Variants in CDK15 observed in about 807,000 individuals in gnomAD.
The protein encoded by CDK15 is cyclin dependent kinase 15, also known as cyclin-dependent kinase 15.
In CDK15, 62 loss-of-function variants were observed where a neutral mutation model predicts 60.3. The ratio of observed to expected loss-of-function variants is 1.03; its 90% confidence interval spans 0.84 to 1.27. The LOEUF is 1.27. Ranked by LOEUF, CDK15 falls within the 50% of genes most tolerant of loss-of-function variation. The pLI is 0.00. For missense variants in CDK15, 541 were observed against 527.8 expected (o/e 1.03, Z -0.25); for synonymous variants, 194 against 195.7 (o/e 0.99, Z 0.07).
At position 201,807,512 on chromosome 2, in the gene CDK15, G is replaced by A; in HGVS notation, c.142G>A (p.Ala48Thr). Residue 48 changes from alanine (A) to threonine (T), a missense_variant, in exon 2 of 14, where the codon GCA becomes ACA. Coordinates refer to ENST00000652192, the MANE Select transcript of CDK15 (RefSeq NM_001366386.2). Reference sequence around the variant, plus strand: ...TCTCTAGCTAACAGACCTAAAAGAAGCATCATGTTCCATGACTTCATTTCA... The same window carrying A: ...TCTCTAGCTAACAGACCTAAAAGAAACATCATGTTCCATGACTTCATTTCA... ...AAFKLTDLKE[A>T]SCSMTSFHPR... 1.2e-6 allele frequency: 2 copies of A among 1,613,996 alleles called. No homozygotes were observed. Among genetic ancestry groups the A allele is most frequent in the South Asian group, 1.1e-5 (1 of 91,032 alleles).
chr2:201,835,512 G>A, intron 7 of CDK15, 131 bp from the exon 8 acceptor site: 1 of 1,030,486 alleles, frequency 9.7e-7, no homozygotes, highest in East Asian at 2.8e-5. Context: ...AGTCAAGATA[G>A]TGATTAGTTC....
chr2:201,858,759 G>C lies in CDK15; in HGVS notation c.1009+3822G>C, dbSNP rs538371991. ...CCATCTGCAGAGTACCCAGTGTCTT[G>C]CCTGCTTTCACCAAGGGAAAAAAAA... On this transcript the variant is annotated intron_variant, in intron 10 of 13. Transcript: ENST00000652192. 1.4e-3 allele frequency among the ~76,000 whole-genome samples: 219 copies of C among 152,192 alleles called. 1 individual carries two copies. Among genetic ancestry groups the C allele is most frequent in the African/African-American group, 5.0e-3 (207 of 41,492 alleles).
chr2:201,811,501 T>C (rs929621902), intron 3 of CDK15, among the ~76,000 whole-genome samples: 2 of 152,210 alleles, frequency 1.3e-5, no homozygotes, highest in African/African-American at 4.8e-5. Context: ...GAATGAACTA[T>C]AAGAGAAAAG....
At chr2:201,829,410 C>T (rs1191600547) in intron 6 of CDK15, among the ~76,000 whole-genome samples, 2 of 151,992 alleles carry the variant, frequency 1.3e-5, no homozygotes, top group Non-Finnish European at 2.9e-5. Context: ...ATTACTTAGC[C>T]GGAACTGACG....
At chr2:201,814,949 AT>A (rs5837791) in intron 4 of CDK15, among the ~76,000 whole-genome samples, 79,920 of 124,368 alleles carry the variant, frequency 0.64, 24,217 homozygotes, top group Admixed American at 0.71. Flanking sequence ...ACTAAGGAAC[AT>A]TTTTTTTTTT....
At position 201,807,865 on chromosome 2, in the gene CDK15, G is replaced by A. The variant is rs1559110879; in HGVS notation, c.281G>A (p.Ser94Asn). Residue 94 changes from serine to asparagine, a missense_variant, in exon 3 of 14, where the codon AGC (serine) becomes AAC (asparagine). Coordinates refer to ENST00000652192, the MANE Select transcript of CDK15 (RefSeq NM_001366386.2). ...DLRQGFQWRK[S>N]LPFGAASSYL... is the part of the protein sequence containing the mutation. ...CCCATTCCCCTAGAGCAGAGGAAGA[G>A]CCTCCCTTTTGGGGCAGCCTCATCT... is the stretch of plus-strand genomic sequence containing the variant. The A allele has an allele frequency of 1.2e-6, 2 of 1,613,460 alleles. No homozygotes were observed. Among genetic ancestry groups the A allele is most frequent in the Admixed American group, 3.3e-5 (2 of 59,852 alleles).
At chr2:201,844,498 A>G (rs1441919331) in intron 8 of CDK15, among the ~76,000 whole-genome samples, 1 of 152,242 alleles carries the variant, frequency 6.6e-6, no homozygotes, top group Non-Finnish European at 1.5e-5. Context: ...GGAGACAAAA[A>G]GAACATGGAT....
chr2:201,873,589 C>G (rs1449473668), intron 11 of CDK15, among the ~76,000 whole-genome samples: 1 of 152,226 alleles, frequency 6.6e-6, no homozygotes, highest in South Asian at 2.1e-4. Flanking sequence ...CTGCTATCAC[C>G]CCACCAGCCT....
At chr2:201,818,137 T>C (rs1696069926) in intron 4 of CDK15, among the ~76,000 whole-genome samples, 1 of 152,144 alleles carries the variant, frequency 6.6e-6, no homozygotes, top group South Asian at 2.1e-4. Flanking sequence ...TGAGCACTTA[T>C]TGAGCACCAC....
At chr2:201,828,434 G>A (rs1216949961) in intron 6 of CDK15, among the ~76,000 whole-genome samples, 2 of 151,786 alleles carry the variant, frequency 1.3e-5, no homozygotes, top group African/African-American at 2.4e-5. Flanking sequence ...GGAATGTAGA[G>A]CATCTGAAAA....
intron 4 of CDK15, among the ~76,000 whole-genome samples, chr2:201,815,271 C>A (rs1434000529): frequency 6.6e-6 from 1 of 152,180 alleles, no homozygotes. Flanking sequence ...ATCCTCTTAA[C>A]AATCTTTAGA....
chr2:201,833,430 G>A (rs1696846061), intron 6 of CDK15, among the ~76,000 whole-genome samples: 1 of 152,100 alleles, frequency 6.6e-6, no homozygotes, highest in Non-Finnish European at 1.5e-5. Context: ...AACTTAAGCA[G>A]TTGTAAACTT....
chr2:201,831,340 C>G (rs1377385385), intron 6 of CDK15, among the ~76,000 whole-genome samples: 1 of 152,096 alleles, frequency 6.6e-6, no homozygotes, highest in Non-Finnish European at 1.5e-5. Flanking sequence ...TTTGTTCCCC[C>G]AAAACTTATT....
intron 8 of CDK15, among the ~76,000 whole-genome samples, chr2:201,842,660 G>A (rs1321039160): frequency 1.3e-5 from 2 of 152,150 alleles, no homozygotes; most frequent in Non-Finnish European, 2.9e-5. Context: ...TAAGGAATCT[G>A]AGGAATCTTT....
chr2:201,813,651 G>A (rs537760840), intron 4 of CDK15, among the ~76,000 whole-genome samples: 4 of 152,350 alleles, frequency 2.6e-5, no homozygotes, highest in South Asian at 4.1e-4. Context: ...AAACTAAGAT[G>A]AGAGCAAGTT....
At chr2:201,816,197 G>A (rs1490093437) in intron 4 of CDK15, among the ~76,000 whole-genome samples, 2 of 152,094 alleles carry the variant, frequency 1.3e-5, no homozygotes, top group East Asian at 1.9e-4. Flanking sequence ...GCATGATGCT[G>A]AGGTATCTTG....
intron 8 of CDK15, 83 bp downstream of exon 8, chr2:201,835,846 T>C: frequency 9.3e-7 from 1 of 1,073,416 alleles, no homozygotes. Flanking sequence ...ATAATAATTC[T>C]AAAAATGGCA....
In CDK15 at chr2:201,807,617, G is replaced by A. The variant is rs1695572581; in HGVS notation, c.247G>A (p.Glu83Lys). Residue 83 changes from glutamate to lysine, a missense_variant, in exon 2 of 14, where the codon GAG (glutamate) becomes AAG (lysine). Coordinates refer to ENST00000652192, the MANE Select transcript of CDK15 (RefSeq NM_001366386.2). ...GAGTAACAGTGATTGTTTTCAGGAA[G>A]AGGATCTGAGGCAGGGTTTTCAGTG... is the stretch of plus-strand genomic sequence containing the variant. Reference protein sequence around the residue: ...PRSNSDCFQEEDLRQGFQWRK... With the variant: ...PRSNSDCFQEKDLRQGFQWRK... 6.2e-7 allele frequency: 1 copy of A among 1,614,092 alleles called. No individual in the cohort carries two copies. The highest frequency in any genetic ancestry group is 1.3e-5 in the African/African-American group (1 of 74,936).
At chr2:201,839,305 A>G (rs1697269943) in intron 8 of CDK15, among the ~76,000 whole-genome samples, 1 of 152,158 alleles carries the variant, frequency 6.6e-6, no homozygotes, top group South Asian at 2.1e-4. Flanking sequence ...GGGACATTCT[A>G]CAGAGTAACT....
Sources: gnomAD v4.1 joint callset for allele counts (sites outside exome capture counted in the v4.1 genomes callset) on GRCh38, gnomAD v4.1.1 for gene constraint, MANE v1.5 for transcripts, NCBI Gene and HGNC (gene_info 2026-07-23, HGNC 2026-07-21) for gene names.